The following RASSF4 variants were observed in gnomAD, a reference collection of about 807,000 sequenced individuals.
The protein encoded by RASSF4 is Ras association domain family member 4.
Under a neutral mutation model 41.1 loss-of-function variants are expected in RASSF4, and 38 were observed. The ratio of observed to expected loss-of-function variants is 0.92; its 90% CI spans 0.71 to 1.21. RASSF4 has a LOEUF of 1.21. Among genes scored for constraint, RASSF4 ranks in the 50% most tolerant of loss-of-function variants. The pLI is 0.00. For missense variants in RASSF4, 414 were observed against 419.4 expected, an observed-to-expected ratio of 0.99 and a Z score of 0.11; for synonymous variants, 179 against 163.4, an observed-to-expected ratio of 1.10 and a Z score of -0.73.
At chr10:44,992,181 A>G (rs1462554293) in intron 10 of RASSF4, among the ~76,000 whole-genome samples, 179 bp downstream of exon 10, 1 of 152,186 alleles carries the variant, frequency 6.6e-6, no homozygotes, top group Non-Finnish European at 1.5e-5. Flanking sequence ...CGGTATTGCC[A>G]CCACGCTGGG....
intron 6 of RASSF4, among the ~76,000 whole-genome samples, chr10:44,986,044 G>C (rs17157321): frequency 0.031 from 4,712 of 152,206 alleles, 175 homozygotes; most frequent in African/African-American, 0.088. Flanking sequence ...TCCAAAAGGG[G>C]TTTAGTGTGT....
chr10:44,974,737 C>T (rs905895931), intron 3 of RASSF4, among the ~76,000 whole-genome samples: 5 of 152,194 alleles, frequency 3.3e-5, no homozygotes, highest in Admixed American at 2.0e-4. Context: ...GGCAGGGCCA[C>T]GCTCTGGGGC....
At chr10:44,982,198 G>T in intron 3 of RASSF4, 1 of 373,064 alleles carries the variant, frequency 2.7e-6, no homozygotes, top group Non-Finnish European at 4.9e-6. Context: ...GACAGGCTGT[G>T]CGTCCCTGGA....
At chr10:44,983,845 C>G in intron 4 of RASSF4, 177 bp from the exon 5 acceptor site, 1 of 1,131,044 alleles carries the variant, frequency 8.8e-7, no homozygotes, top group African/African-American at 1.6e-5. Flanking sequence ...GGGGGGAGGC[C>G]TCTACTTTTC....
At chr10:44,977,901 T>G in intron 3 of RASSF4, 1 of 1,612,638 alleles carries the variant, frequency 6.2e-7, no homozygotes. Context: ...AGTCGAGATA[T>G]AGACCTCACG....
chr10:44,995,703 C>T lies in RASSF4; in HGVS notation c.*2374C>T, dbSNP rs997491809. On this transcript the variant is annotated 3_prime_UTR_variant, in exon 11 of 11. Coordinates refer to ENST00000340258, the MANE Select transcript of RASSF4 (RefSeq NM_032023.4). ...ATCATATTTGCTGTTCAGAGGCAAT[C>T]TGAAAAGCTGCAAATTCAGCTCACC... is the stretch of plus-strand genomic sequence containing the variant. 6.6e-6 allele frequency: 1 copy of T among 152,120 alleles called. No individual in the cohort carries two copies. The highest frequency in any genetic ancestry group is 2.1e-4 in the South Asian group (1 of 4,810). 9.4% of individuals were successfully genotyped at this position (152,120 alleles called of 1,614,324 possible). A position where few individuals can be genotyped will look rare whatever the true frequency, so the allele number is the denominator to read the frequency against.
Position 44,982,881 on chromosome 10 carries a change from T to C in RASSF4, c.281+218T>C, listed in dbSNP as rs75220867. 5.0e-3 allele frequency: 3,572 copies of C among 710,194 alleles called. 89 individuals are homozygous for C. Among genetic ancestry groups the C allele is most frequent in the African/African-American group, 0.05 (2,824 of 56,710 alleles). The allele number at this position is 710,194 out of a possible 1,614,324, so 44.0% of individuals were successfully genotyped here. A position where few individuals can be genotyped will look rare whatever the true frequency, so the allele number is the denominator to read the frequency against. On this transcript the variant is annotated intron_variant, in intron 4 of 10. Transcript: ENST00000340258. ...GAACATTCCAGGCTCCCATGACCTC[T>C]ATTTCTGTTTCTCAAACCTTCCTGC... is the stretch of plus-strand genomic sequence containing the variant.
At chr10:44,983,988 C>T in intron 4 of RASSF4, 34 bp from the exon 5 acceptor site, 1 of 1,563,800 alleles carries the variant, frequency 6.4e-7, no homozygotes, top group Non-Finnish European at 8.7e-7. Flanking sequence ...TCTCTGCCGG[C>T]AGCCATCTCA....
intron 3 of RASSF4, chr10:44,976,318 C>T (rs1841424063): frequency 6.6e-6 from 1 of 152,206 alleles, no homozygotes; most frequent in Non-Finnish European, 1.5e-5. Context: ...CCAGAGAAAA[C>T]ACACTTAACA....
At position 44,984,989 on chromosome 10, in the gene RASSF4, C is replaced by A. The variant is rs192562580; in HGVS notation, c.531+19C>A. ...TCATAAGGTGATGCCCCAGCCTGGCCTCTCCCCTGGGCGCATGGGGAGCCA... is the reference window on the plus strand; with the variant it reads ...TCATAAGGTGATGCCCCAGCCTGGCATCTCCCCTGGGCGCATGGGGAGCCA... On this transcript the variant is annotated intron_variant, in intron 6 of 10. Transcript: ENST00000340258. 1.0e-4 allele frequency: 161 copies of A among 1,603,090 alleles called. No homozygotes were observed. The highest frequency in any genetic ancestry group is 8.9e-5 in the Non-Finnish European group (105 of 1,176,692).
intron 1 of RASSF4, among the ~76,000 whole-genome samples, chr10:44,969,318 A>T (rs1841047025): frequency 6.6e-6 from 1 of 151,956 alleles, no homozygotes; most frequent in Admixed American, 6.6e-5. Flanking sequence ...GGCTCCTCAA[A>T]CCAATCAAGG....
At chr10:44,964,805 C>T (rs1020884348) in intron 1 of RASSF4, among the ~76,000 whole-genome samples, 6 of 152,220 alleles carry the variant, frequency 3.9e-5, no homozygotes, top group Non-Finnish European at 7.3e-5. Flanking sequence ...GCTGCTGCCA[C>T]AGCTGTCTTT....
At chr10:44,968,626 G>C (rs1433689754) in intron 1 of RASSF4, among the ~76,000 whole-genome samples, 1 of 152,204 alleles carries the variant, frequency 6.6e-6, no homozygotes, top group Non-Finnish European at 1.5e-5. Context: ...TCAAGCAAGG[G>C]GGGAGAGAGC....
intron 2 of RASSF4, chr10:44,971,239 A>C (rs1021035988): frequency 3.0e-6 from 1 of 334,932 alleles, no homozygotes; most frequent in African/African-American, 2.2e-5. Flanking sequence ...GCGTTGAGGG[A>C]AAGTGGCTTA....
At chr10:44,974,045 G>C (rs1264377111) in intron 3 of RASSF4, among the ~76,000 whole-genome samples, 1 of 152,208 alleles carries the variant, frequency 6.6e-6, no homozygotes, top group Non-Finnish European at 1.5e-5. Flanking sequence ...TGTTTTTGCT[G>C]GGTCGCAATT....
chr10:44,962,863 T>C (rs1840758537), intron 1 of RASSF4, among the ~76,000 whole-genome samples: 1 of 152,146 alleles, frequency 6.6e-6, no homozygotes, highest in African/African-American at 2.4e-5. Context: ...TGTCCCAAAT[T>C]GCTTTGCCTT....
At chr10:44,992,030 G>A in intron 10 of RASSF4, 28 bp downstream of exon 10, 1 of 1,466,646 alleles carries the variant, frequency 6.8e-7, no homozygotes, top group African/African-American at 1.4e-5. Context: ...AGACAGTCAT[G>A]GGTCCTGAAC....
intron 3 of RASSF4, among the ~76,000 whole-genome samples, chr10:44,975,183 G>A (rs1207449102): frequency 6.6e-6 from 1 of 152,146 alleles, no homozygotes; most frequent in African/African-American, 2.4e-5. Context: ...CCTCAGCAAT[G>A]AGAGAAACGG....
At chr10:44,993,149 G>T in intron 10 of RASSF4, 120 bp from the exon 11 acceptor site, 1 of 789,560 alleles carries the variant, frequency 1.3e-6, no homozygotes. Context: ...CCTTGGCAGA[G>T]GAGAGATGAG....
Sources: gnomAD v4.1 joint callset for allele counts (sites outside exome capture counted in the v4.1 genomes callset) on GRCh38, gnomAD v4.1.1 for gene constraint, MANE v1.5 for transcripts, NCBI Gene and HGNC (gene_info 2026-07-23, HGNC 2026-07-21) for gene names.